Variants in LILRA1 observed in about 807,000 individuals in gnomAD.
LILRA1 encodes leukocyte immunoglobulin like receptor A1, also known as leukocyte immunoglobulin-like receptor subfamily A member 1.
A neutral mutation model predicts 51.6 loss-of-function variants in LILRA1; 51 were observed. That is an observed-to-expected ratio of 0.99 (90% CI 0.79 to 1.25). The LOEUF (loss-of-function observed/expected upper bound fraction) is 1.25, where lower values mean the gene tolerates loss of function less well. Among genes scored for constraint, LILRA1 ranks in the 50% most tolerant of loss-of-function variants. The pLI is 0.00. For synonymous variants in LILRA1, 305 were observed against 248.4 expected (o/e 1.23, Z -2.14); for missense variants, 660 against 611.7 (o/e 1.08, Z -0.83).
chr19:54,594,841 T>C lies in LILRA1; in HGVS notation c.247T>C (p.Phe83Leu), dbSNP rs1568538729. The part of the protein sequence containing the change: ...IPQEIVKKGQ[F>L]PIPSITWEHT... The stretch of plus-strand genomic sequence containing the variant: ...ACAGGAGATTGTGAAGAAGGGCCAG[T>C]TCCCCATCCCATCCATCACCTGGGA... The change falls in exon 4 of 10, where the codon TTC becomes CTC. Residue 83 changes from phenylalanine (F) to leucine (L), a missense_variant. By Grantham distance (22) the Phe-to-Leu change is conservative. Transcript: ENST00000251372. 1 of 1,614,018 alleles carries C rather than the reference T, an allele frequency of 6.2e-7. No individual in the cohort carries two copies. The highest frequency in any genetic ancestry group is 1.3e-5 in the African/African-American group (1 of 74,916).
chr19:54,599,436 A>G, intron 8 of LILRA1, 150 bp downstream of exon 8: 3 of 1,317,338 alleles, frequency 2.3e-6, no homozygotes, highest in Non-Finnish European at 2.0e-6. Context: ...TTATAAGTGA[A>G]GTATTTCATT....
At position 54,594,488 on chromosome 19, in the gene LILRA1, C is replaced by G; in HGVS notation, c.70+12C>G. 6.2e-7 allele frequency: 1 copy of G among 1,614,112 alleles called. No homozygotes were observed. The highest frequency in any genetic ancestry group is 8.5e-7 in the Non-Finnish European group (1 of 1,180,012). ...CCACGTGCAGGCAGGTGAGTCTGTCCCCAGCTCTCCCAGGTCCCTCCTCCT... is the reference window on the plus strand; with the variant it reads ...CCACGTGCAGGCAGGTGAGTCTGTCGCCAGCTCTCCCAGGTCCCTCCTCCT... On this transcript the variant is annotated intron_variant, in intron 3 of 9. Coordinates refer to ENST00000251372, the MANE Select transcript of LILRA1 (RefSeq NM_006863.4).
intron 8 of LILRA1, chr19:54,599,722 A>G (rs951605560): frequency 1.3e-5 from 7 of 533,490 alleles, no homozygotes; most frequent in African/African-American, 2.1e-5. Context: ...ACATATATAC[A>G]TATTTATGTG....
In LILRA1 at chr19:54,593,641, C is replaced by T. The variant is rs1010071597; in HGVS notation, c.-189C>T. Reference sequence around the variant, plus strand: ...CTTCCCCTATTTCCCTGCATTTCTCCTCTGTGCTCACTGCCACACGCAGCT... The same window carrying T: ...CTTCCCCTATTTCCCTGCATTTCTCTTCTGTGCTCACTGCCACACGCAGCT... On this transcript the variant is annotated 5_prime_UTR_variant, in exon 1 of 10. Coordinates refer to ENST00000251372, the MANE Select transcript of LILRA1 (RefSeq NM_006863.4). 9.5e-6 allele frequency: 4 copies of T among 419,864 alleles called. No individual in the cohort carries two copies. The highest frequency in any genetic ancestry group is 2.7e-5 in the Admixed American group (1 of 37,698). The allele number at this position is 419,864 out of a possible 1,614,324, so 26.0% of individuals were successfully genotyped here.
intron 8 of LILRA1, among the ~76,000 whole-genome samples, 168 bp from the exon 9 acceptor site, chr19:54,600,344 A>G (rs2146088607): frequency 6.6e-6 from 1 of 152,322 alleles, no homozygotes; most frequent in Admixed American, 6.5e-5. Context: ...CTAGAATGCA[A>G]GAAATCTGAA....
Position 54,594,160 on chromosome 19 carries a change from G to T in LILRA1, c.-48-37G>T, listed in dbSNP as rs556453233. Reference sequence around the variant, plus strand: ...GTGTCCACACTGGGTGGGAAGGAGGGGAGGCTATTTCTCTCTGTGTGTCTC... The same window carrying T: ...GTGTCCACACTGGGTGGGAAGGAGGTGAGGCTATTTCTCTCTGTGTGTCTC... On this transcript the variant is annotated intron_variant, in intron 1 of 9. Transcript: ENST00000251372. The T allele has an allele frequency of 2.5e-4, 274 of 1,085,750 alleles. 1 individual carries two copies. The African/African-American group carries it at 3.9e-3, about 16-fold the overall frequency. 67.3% of individuals were successfully genotyped at this position (1,085,750 alleles called of 1,614,324 possible).
intron 1 of LILRA1, among the ~76,000 whole-genome samples, chr19:54,593,994 C>T (rs2062963222): frequency 6.6e-6 from 1 of 152,008 alleles, no homozygotes; most frequent in Admixed American, 6.5e-5. Flanking sequence ...GACCCCATTA[C>T]AGTCTGAAAT....
rs201324340 is a variant in LILRA1, at chr19:54,594,914, G to A, written c.320G>A (p.Trp107Ter). The change falls in exon 4 of 10, where the codon TGG (tryptophan) becomes TAG (stop). Residue 107 changes from tryptophan to a stop codon, truncating the protein, a stop_gained. Coordinates refer to ENST00000251372, the MANE Select transcript of LILRA1 (RefSeq NM_006863.4). LOFTEE classifies it high-confidence loss of function. Reference sequence around the variant, plus strand: ...TTCTACGGTAGCCACACTGCAGGCTGGTCAGAGCCCAGTGACCCCCTGGAG... The same window carrying A: ...TTCTACGGTAGCCACACTGCAGGCTAGTCAGAGCCCAGTGACCCCCTGGAG... ...RCFYGSHTAGWSEPSDPLELV... is the reference protein window; with the variant it reads ...RCFYGSHTAG 95 of 1,611,478 alleles carry A rather than the reference G, an allele frequency of 5.9e-5. No homozygotes were observed. The highest frequency in any genetic ancestry group is 2.6e-5 in the Non-Finnish European group (31 of 1,177,988).
Position 54,600,990 on chromosome 19 carries a change from C to T in LILRA1, c.*173C>T. 1.4e-6 allele frequency: 1 copy of T among 724,688 alleles called. No individual in the cohort carries two copies. The highest frequency in any genetic ancestry group is 2.4e-6 in the Non-Finnish European group (1 of 424,584). 44.9% of individuals were successfully genotyped at this position (724,688 alleles called of 1,614,324 possible). A position where few individuals can be genotyped will look rare whatever the true frequency, so the allele number is the denominator to read the frequency against. ...AGGAATCAGTGTTGGATTGCAGAGA[C>T]ATTTTCTGGAGTGATCCATGAAGGA... is the stretch of plus-strand genomic sequence containing the variant. On this transcript the variant is annotated 3_prime_UTR_variant, in exon 10 of 10. Transcript: ENST00000251372.
Position 54,596,279 on chromosome 19 carries a change from G to T in LILRA1, c.1049G>T (p.Gly350Val), listed in dbSNP as rs753339975. 3 of 1,613,974 alleles carry T rather than the reference G, an allele frequency of 1.9e-6. No homozygotes were observed. In the African/African-American group the frequency reaches 4.0e-5, roughly 22 times the overall value. Residue 350 changes from glycine (G) to valine (V), a missense_variant, in exon 7 of 10, where the codon GGG becomes GTG. Coordinates refer to ENST00000251372, the MANE Select transcript of LILRA1 (RefSeq NM_006863.4). Reference sequence around the variant, plus strand: ...GTGACCCTGCTGTGTCAGTCATGGGGGCCGTTCCACACTTTCCTTCTGACC... The same window carrying T: ...GTGACCCTGCTGTGTCAGTCATGGGTGCCGTTCCACACTTTCCTTCTGACC... ...ENVTLLCQSW[G>V]PFHTFLLTKA... is the part of the protein sequence containing the mutation.
intron 7 of LILRA1, among the ~76,000 whole-genome samples, chr19:54,598,863 T>C (rs1026681275): frequency 9.9e-5 from 15 of 152,200 alleles, no homozygotes; most frequent in Middle Eastern, 3.2e-3. Flanking sequence ...TGGTGAAATC[T>C]TGGCTCACTG....
chr19:54,599,042 C>T lies in LILRA1; in HGVS notation c.1262-194C>T, dbSNP rs571444981. Among the ~76,000 whole-genome samples, 39 of 152,258 alleles carry T rather than the reference C, an allele frequency of 2.6e-4. No homozygotes were observed. In the South Asian group the frequency reaches 3.7e-3, roughly 15 times the overall value. ...AACTCCTGACCTCATGATCTGCCCA[C>T]GTCAGCCTCCCAAAATGCTGGGATT... On this transcript the variant is annotated intron_variant, in intron 7 of 9. Coordinates refer to ENST00000251372, the MANE Select transcript of LILRA1 (RefSeq NM_006863.4).
Position 54,594,256 on chromosome 19 carries a change from C to G in LILRA1, c.12C>G (p.Ile4Met), listed in dbSNP as rs147201880. Residue 4 changes from isoleucine (I) to methionine (M), a missense_variant, in exon 2 of 10, where the codon ATC becomes ATG. Physicochemically the swap from Ile to Met is conservative, Grantham distance 10 (BLOSUM62 1). Coordinates refer to ENST00000251372, the MANE Select transcript of LILRA1 (RefSeq NM_006863.4). ...TGGGAGGAGACGCTATGACCCCCATCGTCACAGTCCTGATCTGTCTCAGTG... is the reference window on the plus strand; with the variant it reads ...TGGGAGGAGACGCTATGACCCCCATGGTCACAGTCCTGATCTGTCTCAGTG... MTPIVTVLICLRLS... is the reference protein window; with the variant it reads MTPMVTVLICLRLS... 16 of 1,612,172 alleles carry G rather than the reference C, an allele frequency of 9.9e-6. No homozygotes were observed. In the South Asian group the frequency reaches 1.5e-4, roughly 16 times the overall value.
At chr19:54,595,979 A>C in intron 6 of LILRA1, 44 bp downstream of exon 6, 2 of 1,591,448 alleles carry the variant, frequency 1.3e-6, no homozygotes, top group Non-Finnish European at 1.7e-6. Context: ...GGCTCCGCAC[A>C]GGCCCTGCCA....
In LILRA1 at chr19:54,593,751, C is replaced by T; in HGVS notation, c.-79C>T. Reference sequence around the variant, plus strand: ...GCATGGACCTTGGTCTTCCCTGAAGCATCTCCAGGGCTGGAGGGACGACTG... The same window carrying T: ...GCATGGACCTTGGTCTTCCCTGAAGTATCTCCAGGGCTGGAGGGACGACTG... On this transcript the variant is annotated 5_prime_UTR_variant, in exon 1 of 10. Coordinates refer to ENST00000251372, the MANE Select transcript of LILRA1 (RefSeq NM_006863.4). 3 of 815,370 alleles carry T rather than the reference C, an allele frequency of 3.7e-6. No homozygotes were observed. The highest frequency in any genetic ancestry group is 5.4e-6 in the Non-Finnish European group (3 of 556,860). 50.5% of individuals were successfully genotyped at this position (815,370 alleles called of 1,614,324 possible).
rs369930350 is a variant in LILRA1, at chr19:54,594,479, G to A, written c.70+3G>A. 1.1e-5 allele frequency: 17 copies of A among 1,614,034 alleles called. No homozygotes were observed. Among genetic ancestry groups the A allele is most frequent in the East Asian group, 2.2e-5 (1 of 44,896 alleles). On this transcript the variant is annotated splice_donor_region_variant and intron_variant, in intron 3 of 9. Coordinates refer to ENST00000251372, the MANE Select transcript of LILRA1 (RefSeq NM_006863.4). ...CCCCCGGACCCACGTGCAGGCAGGT[G>A]AGTCTGTCCCCAGCTCTCCCAGGTC...
Position 54,594,232 on chromosome 19 carries a change from G to T in LILRA1, c.-13G>T. On this transcript the variant is annotated 5_prime_UTR_variant, in exon 2 of 10. Coordinates refer to ENST00000251372, the MANE Select transcript of LILRA1 (RefSeq NM_006863.4). ...TCATCCATCCGCAGAGCAGGGCAGT[G>T]GGAGGAGACGCTATGACCCCCATCG... 1 of 1,613,006 alleles carries T rather than the reference G, an allele frequency of 6.2e-7. No individual in the cohort carries two copies. Among genetic ancestry groups the T allele is most frequent in the Non-Finnish European group, 8.5e-7 (1 of 1,179,562 alleles).
At position 54,601,117 on chromosome 19, in the gene LILRA1, T is replaced by C; in HGVS notation, c.*300T>C. On this transcript the variant is annotated 3_prime_UTR_variant, in exon 10 of 10. Coordinates refer to ENST00000251372, the MANE Select transcript of LILRA1 (RefSeq NM_006863.4). ...GACAGACATGAGGCTACATCCCACA[T>C]GGCAGCGTTGGGTCCACACCTCTGC... 1 of 485,860 alleles carries C rather than the reference T, an allele frequency of 2.1e-6. No individual in the cohort carries two copies. Among genetic ancestry groups the C allele is most frequent in the Non-Finnish European group, 3.8e-6 (1 of 266,554 alleles). The allele number at this position is 485,860 out of a possible 1,614,324, so 30.1% of individuals were successfully genotyped here.
chr19:54,598,992 C>G (rs2146083889), intron 7 of LILRA1, among the ~76,000 whole-genome samples: 1 of 152,122 alleles, frequency 6.6e-6, no homozygotes, highest in East Asian at 1.9e-4. Flanking sequence ...GACAGGGTTT[C>G]ACCATGTTGG....
Sources: allele counts gnomAD v4.1 joint callset (sites outside exome capture counted in the v4.1 genomes callset), GRCh38; gene constraint gnomAD v4.1.1; transcripts MANE v1.5; gene names NCBI Gene and HGNC (gene_info 2026-07-23, HGNC 2026-07-21).